Variants in EXOC3L4 observed in about 807,000 individuals in gnomAD.
The protein encoded by EXOC3L4 is exocyst complex component 3 like 4, also known as exocyst complex component 3-like protein 4.
In EXOC3L4, 62 loss-of-function variants were observed where a neutral mutation model predicts 69.7. That is an observed-to-expected ratio of 0.89 (90% CI 0.72 to 1.10). The LOEUF is 1.10. Among genes scored for constraint, EXOC3L4 ranks in the 50% least tolerant of loss-of-function variants. The pLI is 0.00. For missense variants in EXOC3L4, 1,087 were observed against 1,034.8 expected, an observed-to-expected ratio of 1.05 and a Z score of -0.69; for synonymous variants, 502 against 464.2, an observed-to-expected ratio of 1.08 and a Z score of -1.05.
intron 7 of EXOC3L4, among the ~76,000 whole-genome samples, chr14:103,105,373 T>C (rs1221766180): frequency 3.3e-5 from 5 of 151,466 alleles, no homozygotes; most frequent in Non-Finnish European, 7.4e-5. Context: ...TGTGTGTGTG[T>C]GTGTGTGTGT....
chr14:103,105,506 T>C (rs1446489609), intron 7 of EXOC3L4, among the ~76,000 whole-genome samples: 1 of 151,498 alleles, frequency 6.6e-6, no homozygotes, highest in Non-Finnish European at 1.5e-5. Flanking sequence ...CCTGGGGGAG[T>C]GTGGATGGCT....
chr14:103,102,154 A>G lies in EXOC3L4; in HGVS notation c.431A>G (p.Gln144Arg). Residue 144 changes from glutamine to arginine, a missense_variant, in exon 3 of 12, where the codon CAA becomes CGA. Physicochemically the swap from Gln to Arg is conservative, Grantham distance 43. Transcript: ENST00000688303. ...GTGGCCGACCTCATTACTGAACGGC[A>G]ACTGCTGGCGGCCTTCGAACAGCTT... ...KSVADLITER[Q>R]LLAAFEQLLR... 1 of 1,606,080 alleles carries G rather than the reference A, an allele frequency of 6.2e-7. No individual in the cohort carries two copies. The highest frequency in any genetic ancestry group is 1.3e-5 in the African/African-American group (1 of 74,812).
chr14:103,095,414 T>C (rs1889848447), intron 1 of EXOC3L4, among the ~76,000 whole-genome samples: 1 of 152,192 alleles, frequency 6.6e-6, no homozygotes, highest in African/African-American at 2.4e-5. Context: ...GAACATGGTA[T>C]GGGCTCAGCT....
Position 103,100,540 on chromosome 14 carries a change from C to G in EXOC3L4, c.321C>G (p.Pro107=). The G allele has an allele frequency of 6.2e-7, 1 of 1,612,706 alleles. No homozygotes were observed. Among genetic ancestry groups the G allele is most frequent in the Non-Finnish European group, 8.5e-7 (1 of 1,179,660 alleles). The change falls in exon 2 of 12, where the codon CCC becomes CCG. Residue 107 remains proline, a synonymous_variant. Coordinates refer to ENST00000688303, the MANE Select transcript of EXOC3L4 (RefSeq NM_001077594.2). Reference sequence around the variant, plus strand: ...ATTCCCAGGCCACTCCTGAGGTGCCCTCGGGGGTCATGAATGGTGTCAGCC... The same window carrying G: ...ATTCCCAGGCCACTCCTGAGGTGCCGTCGGGGGTCATGAATGGTGTCAGCC... ...TGHSQATPEV[P]SGVMNGVSQQ...
intron 11 of EXOC3L4, 76 bp from the exon 12 acceptor site, chr14:103,109,955 G>A (rs28418471): frequency 0.13 from 193,714 of 1,441,484 alleles, 14,156 homozygotes; most frequent in South Asian, 0.24. Context: ...TCCCAAGCCC[G>A]TGGGTTCGCC....
chr14:103,107,574 T>A (rs1375432309), intron 9 of EXOC3L4, 31 bp downstream of exon 9: 1 of 1,612,484 alleles, frequency 6.2e-7, no homozygotes, highest in East Asian at 2.2e-5. Flanking sequence ...CTGGCAGGGC[T>A]GTGCCCAGGA....
At chr14:103,098,048 G>C (rs990640259) in intron 1 of EXOC3L4, among the ~76,000 whole-genome samples, 1 of 152,050 alleles carries the variant, frequency 6.6e-6, no homozygotes, top group Non-Finnish European at 1.5e-5. Context: ...GGAAGCTGTT[G>C]GGAGCTGCAG....
Position 103,102,794 on chromosome 14 carries a change from C to A in EXOC3L4, c.1049+22C>A, listed in dbSNP as rs9324056. 7,084 of 1,325,186 alleles carry A rather than the reference C, an allele frequency of 5.3e-3. 332 individuals carry two copies. The African/African-American group carries it at 0.099, about 19-fold the overall frequency. The allele number at this position is 1,325,186 out of a possible 1,614,324, so 82.1% of individuals were successfully genotyped here. ...GCAGGTGAGTCTCGGCCAGGGCGCCCAGTGGCGAGGACAGCTGCCGCTTCC... is the reference window on the plus strand; with the variant it reads ...GCAGGTGAGTCTCGGCCAGGGCGCCAAGTGGCGAGGACAGCTGCCGCTTCC... On this transcript the variant is annotated intron_variant, in intron 3 of 11. Transcript: ENST00000688303.
chr14:103,107,464 A>AGGTGCGCACCAG lies in EXOC3L4; in HGVS notation c.1624_1625insTGCGCACCAGGG (p.Gln541_Asp542insValArgThrArg). ...GTGTGCACCAGGGACTGGCTGACGCAGGACTGGCTGCATCCCCTCATGGAC... is the reference window on the plus strand; with the variant it reads ...GTGTGCACCAGGGACTGGCTGACGCAGGTGCGCACCAGGGACTGGCTGCATCCCCTCATGGAC... On this transcript the variant is annotated inframe_insertion, in exon 9 of 12. Transcript: ENST00000688303. The AGGTGCGCACCAG allele has an allele frequency of 6.2e-7, 1 of 1,613,894 alleles. No homozygotes were observed. Among genetic ancestry groups the AGGTGCGCACCAG allele is most frequent in the South Asian group, 1.1e-5 (1 of 91,084 alleles).
Position 103,104,960 on chromosome 14 carries a change from G to C in EXOC3L4, c.1386-32G>C, listed in dbSNP as rs746671849. On this transcript the variant is annotated intron_variant, in intron 6 of 11. Transcript: ENST00000688303. Reference sequence around the variant, plus strand: ...CCAGGGTCATCGCGCAGCTAGGGAGGGTCCCCAAAGGCTCTGTGTATCCCG... The same window carrying C: ...CCAGGGTCATCGCGCAGCTAGGGAGCGTCCCCAAAGGCTCTGTGTATCCCG... 5 of 1,598,366 alleles carry C rather than the reference G, an allele frequency of 3.1e-6. No homozygotes were observed. The Admixed American group carries it at 6.8e-5, about 22-fold the overall frequency.
At position 103,097,494 on chromosome 14, in the gene EXOC3L4, G is replaced by A. The variant is rs1566944132; in HGVS notation, c.-17+2654G>A. On this transcript the variant is annotated intron_variant, in intron 1 of 11. Coordinates refer to ENST00000688303, the MANE Select transcript of EXOC3L4 (RefSeq NM_001077594.2). This position sits in a 1 kb window ranked among gnomAD's most constrained non-coding sequence, Gnocchi z 4.9. ...GAGGTGGAGGGGGGAGTTGAGAGGG[G>A]CCTTCAGGTCTCAGCCCCGCAGGCG... Among the ~76,000 whole-genome samples the A allele has an allele frequency of 6.6e-6, 1 of 152,042 alleles. No individual in the cohort carries two copies. Among genetic ancestry groups the A allele is most frequent in the Non-Finnish European group, 1.5e-5 (1 of 67,986 alleles).
At chr14:103,098,036 T>C (rs1390767705) in intron 1 of EXOC3L4, among the ~76,000 whole-genome samples, 1 of 151,840 alleles carries the variant, frequency 6.6e-6, no homozygotes, top group Non-Finnish European at 1.5e-5. Context: ...GAGAATAGCT[T>C]GGGAAGCTGT....
chr14:103,104,627 AGACT>A, intron 5 of EXOC3L4, 107 bp from the exon 6 acceptor site: 2 of 1,264,154 alleles, frequency 1.6e-6, no homozygotes, highest in Non-Finnish European at 2.1e-6. Flanking sequence ...GGAGGGGCCA[AGACT>A]GACAGGCACA....
At chr14:103,099,082 C>T (rs924883519) in intron 1 of EXOC3L4, among the ~76,000 whole-genome samples, 7 of 152,128 alleles carry the variant, frequency 4.6e-5, no homozygotes, top group African/African-American at 1.4e-4. Flanking sequence ...GTGGGTCAGG[C>T]GGGTGCTTTG....
rs1566947978 is a variant in EXOC3L4, at chr14:103,102,429, CGCACGCCGCGCCGCTGGCGCCA to C, written c.711_732del (p.Pro238GlyfsTer190). The C allele has an allele frequency of 1.1e-5, 17 of 1,516,930 alleles. No homozygotes were observed. Among genetic ancestry groups the C allele is most frequent in the Non-Finnish European group, 1.4e-5 (16 of 1,141,126 alleles). 94.0% of individuals were successfully genotyped at this position (1,516,930 alleles called of 1,614,324 possible). On this transcript the variant is annotated frameshift_variant, in exon 3 of 12. Transcript: ENST00000688303. LOFTEE classifies it high-confidence loss of function. ...TCCCCCCGACGACGGCGACTTCCTG[CGCACGCCGCGCCGCTGGCGCCA>C]GCACTGGGAGGAGGCGGTGCGGCGA...
Position 103,103,920 on chromosome 14 carries a change from GC to G in EXOC3L4, c.1050-16del. The G allele has an allele frequency of 6.6e-7, 1 of 1,514,180 alleles. No individual in the cohort carries two copies. The highest frequency in any genetic ancestry group is 2.5e-5 in the East Asian group (1 of 40,418). 93.8% of individuals were successfully genotyped at this position (1,514,180 alleles called of 1,614,324 possible). On this transcript the variant is annotated intron_variant, in intron 3 of 11. Transcript: ENST00000688303. The stretch of plus-strand genomic sequence containing the variant: ...CGCATCAGAGCCGCTCCCGCCCCCA[GC>G]CCCCTGCCCTGTCTTCCAGTCCTGA...
chr14:103,100,151 G>C, intron 1 of EXOC3L4, 53 bp from the exon 2 acceptor site: 1 of 1,464,692 alleles, frequency 6.8e-7, no homozygotes, highest in Non-Finnish European at 9.1e-7. Context: ...GGCCCCACAG[G>C]GCCACAACAG....
chr14:103,107,488 A>G lies in EXOC3L4; in HGVS notation c.1646A>G (p.Asp549Gly). The G allele has an allele frequency of 6.2e-7, 1 of 1,613,822 alleles. No homozygotes were observed. The highest frequency in any genetic ancestry group is 8.5e-7 in the Non-Finnish European group (1 of 1,180,010). ...LTQDWLHPLM[D>G]KVVTFAGHLQ... Reference sequence around the variant, plus strand: ...CAGGACTGGCTGCATCCCCTCATGGACAAGGTGGTGACCTTCGCCGGTCAT... The same window carrying G: ...CAGGACTGGCTGCATCCCCTCATGGGCAAGGTGGTGACCTTCGCCGGTCAT... Residue 549 changes from aspartate to glycine, a missense_variant, in exon 9 of 12, where the codon GAC becomes GGC. By Grantham distance (94) the Asp-to-Gly change is moderately conservative (BLOSUM62 -1). Coordinates refer to ENST00000688303, the MANE Select transcript of EXOC3L4 (RefSeq NM_001077594.2).
chr14:103,099,966 G>T (rs928304504), intron 1 of EXOC3L4, among the ~76,000 whole-genome samples: 8 of 152,320 alleles, frequency 5.3e-5, no homozygotes, highest in African/African-American at 1.9e-4. Flanking sequence ...CTTTTTGGGG[G>T]ATGGTCTCAG....
Sources: gnomAD v4.1 joint callset for allele counts (sites outside exome capture counted in the v4.1 genomes callset) on GRCh38, gnomAD v4.1.1 for gene constraint, Gnocchi (gnomAD v3.1) non-coding constraint, MANE v1.5 for transcripts, NCBI Gene and HGNC (gene_info 2026-07-23, HGNC 2026-07-21) for gene names.